PDE5A: variants seen among roughly 807,000 people sequenced by gnomAD.
PDE5A encodes cGMP-specific 3',5'-cyclic phosphodiesterase.
A neutral mutation model predicts 110.2 loss-of-function variants in PDE5A; 67 were observed. The observed-to-expected ratio is 0.61, with a 90% CI of 0.50 to 0.75. The LOEUF is 0.75. PDE5A is among the 30% of genes least tolerant of loss of function. PDE5A has a pLI of 0.00. For synonymous variants in PDE5A, 328 were observed against 351.2 expected (o/e 0.93, Z 0.74); for missense variants, 862 against 1,045.1 (o/e 0.82, Z 2.42).
intron 1 of PDE5A, among the ~76,000 whole-genome samples, chr4:119,609,807 GC>G (rs1241311709): frequency 6.6e-6 from 1 of 152,082 alleles, no homozygotes; most frequent in African/African-American, 2.4e-5. Flanking sequence ...TAAGTATGAG[GC>G]AATGCATATG....
At chr4:119,590,416 T>C (rs1028837167) in intron 3 of PDE5A, among the ~76,000 whole-genome samples, 2 of 152,188 alleles carry the variant, frequency 1.3e-5, no homozygotes, top group Middle Eastern at 3.2e-3. Context: ...TCTTTCTGTC[T>C]TTATTCATTT....
Position 119,520,953 on chromosome 4 carries a change from T to G in PDE5A, c.1887A>C (p.Leu629=). 12 of 1,610,608 alleles carry G rather than the reference T, an allele frequency of 7.5e-6. No homozygotes were observed. Among genetic ancestry groups the G allele is most frequent in the Non-Finnish European group, 9.3e-6 (11 of 1,178,336 alleles). Residue 629 remains leucine, a synonymous_variant, in exon 13 of 21, where the codon CTA becomes CTC. Transcript: ENST00000354960. ...AAAGTACCTGAATTTTGCCTGCTTT[T>G]AGAGCAGCAAACATGCACTGAGCTG... is the stretch of plus-strand genomic sequence containing the variant. ...FNTAQCMFAA[L]KAGKIQNKLT...
Position 119,525,140 on chromosome 4 carries a change from A to G in PDE5A, c.1779+409T>C, listed in dbSNP as rs1253508543. Among the ~76,000 whole-genome samples the G allele has an allele frequency of 6.6e-6, 1 of 152,086 alleles. No homozygotes were observed. The highest frequency in any genetic ancestry group is 1.5e-5 in the Non-Finnish European group (1 of 68,006). On this transcript the variant is annotated intron_variant, in intron 12 of 20. Transcript: ENST00000354960. The surrounding 1 kb of genome is among the most constrained non-coding windows in gnomAD (Gnocchi z 4.3). ...CTGCATAAAATTCCTGTGACTCACCATTGTTTTCAGGGTAAAATCCAAATT... is the reference window on the plus strand; with the variant it reads ...CTGCATAAAATTCCTGTGACTCACCGTTGTTTTCAGGGTAAAATCCAAATT...
chr4:119,550,135 GC>G (rs2110494130), intron 9 of PDE5A: 1 of 152,262 alleles, frequency 6.6e-6, no homozygotes, highest in Admixed American at 6.5e-5. Context: ...TTGTAAAGCA[GC>G]AGGAACACTG....
rs550757745 is a variant in PDE5A, at chr4:119,507,416, T to C, written c.2189+188A>G. 2.6e-5 allele frequency among the ~76,000 whole-genome samples: 4 copies of C among 152,078 alleles called. No homozygotes were observed. In the South Asian group the frequency reaches 8.3e-4, roughly 31 times the overall value. On this transcript the variant is annotated intron_variant, in intron 16 of 20. Transcript: ENST00000354960. The stretch of plus-strand genomic sequence containing the variant: ...TAAACATCAGAAATAATAGGTATTC[T>C]TAATTTTCAGCAGTATAAGCCAAAG...
chr4:119,516,626 C>CTT (rs1354720196), intron 14 of PDE5A, among the ~76,000 whole-genome samples: 1 of 147,022 alleles, frequency 6.8e-6, no homozygotes, highest in African/African-American at 2.5e-5. Flanking sequence ...TGAGATCATT[C>CTT]TTTTTTTTTT....
chr4:119,524,780 CT>C (rs779977613), intron 12 of PDE5A, among the ~76,000 whole-genome samples: 1 of 151,918 alleles, frequency 6.6e-6, no homozygotes, highest in South Asian at 2.1e-4. Flanking sequence ...TTACTGAATT[CT>C]TTTTTTTAAA....
At chr4:119,500,640 A>AT (rs1231474116) in intron 20 of PDE5A, among the ~76,000 whole-genome samples, 1 of 152,174 alleles carries the variant, frequency 6.6e-6, no homozygotes, top group Non-Finnish European at 1.5e-5. Flanking sequence ...AGTCATAAAC[A>AT]TCTAAACTAA....
At chr4:119,620,677 A>G (rs1226156884) in intron 1 of PDE5A, among the ~76,000 whole-genome samples, 2 of 152,134 alleles carry the variant, frequency 1.3e-5, no homozygotes, top group African/African-American at 4.8e-5. Flanking sequence ...TATTTTCACA[A>G]TAATCATAAT....
chr4:119,600,968 A>C (rs1729323631), intron 2 of PDE5A, among the ~76,000 whole-genome samples: 2 of 152,196 alleles, frequency 1.3e-5, no homozygotes, highest in Admixed American at 1.3e-4. Context: ...CAATACTTAC[A>C]TCACATAAAT....
intron 3 of PDE5A, among the ~76,000 whole-genome samples, chr4:119,595,139 T>C (rs1263234187): frequency 6.6e-6 from 1 of 152,102 alleles, no homozygotes; most frequent in Admixed American, 6.6e-5. Context: ...GAAAAAAATA[T>C]TGAAATCAGA....
chr4:119,515,624 C>G (rs1409013098), intron 14 of PDE5A, among the ~76,000 whole-genome samples: 1 of 152,192 alleles, frequency 6.6e-6, no homozygotes, highest in African/African-American at 2.4e-5. Context: ...CCAGCTCTTT[C>G]ATTTTCATCA....
chr4:119,619,898 C>T lies in PDE5A; in HGVS notation c.152+8622G>A, dbSNP rs547936352. On this transcript the variant is annotated intron_variant, in intron 1 of 20. Coordinates refer to ENST00000354960, the MANE Select transcript of PDE5A (RefSeq NM_001083.4). ...AAGCCTAAGGCTGTCCTATCTAGGG[C>T]CCTTCACCATAAACAGAAATCAATT... Among the ~76,000 whole-genome samples the T allele has an allele frequency of 2.0e-5, 3 of 152,272 alleles. No homozygotes were observed. In the East Asian group the frequency reaches 5.8e-4, roughly 29 times the overall value.
intron 9 of PDE5A, chr4:119,550,030 T>C (rs916030467): frequency 2.0e-5 from 3 of 152,238 alleles, no homozygotes; most frequent in African/African-American, 7.2e-5. Context: ...GTCTATGACA[T>C]GTAAGACAAA....
chr4:119,586,547 T>C (rs1728773331), intron 3 of PDE5A, among the ~76,000 whole-genome samples: 1 of 152,146 alleles, frequency 6.6e-6, no homozygotes, highest in Non-Finnish European at 1.5e-5. Flanking sequence ...ACAATCACCT[T>C]AACTCTTCAA....
At chr4:119,622,814 A>C (rs1290319225) in intron 1 of PDE5A, among the ~76,000 whole-genome samples, 1 of 142,146 alleles carries the variant, frequency 7.0e-6, no homozygotes, top group Non-Finnish European at 1.5e-5. Context: ...CAATGAGCCG[A>C]GATTGCGCCA....
chr4:119,581,572 G>A (rs1369820387), intron 3 of PDE5A, among the ~76,000 whole-genome samples: 1 of 152,152 alleles, frequency 6.6e-6, no homozygotes, highest in African/African-American at 2.4e-5. Flanking sequence ...AGATGTGCCT[G>A]AGAAGCTAAT....
chr4:119,599,738 CACACACACACAT>C (rs1485175748), intron 2 of PDE5A, among the ~76,000 whole-genome samples: 21 of 151,640 alleles, frequency 1.4e-4, no homozygotes, highest in African/African-American at 4.6e-4. Flanking sequence ...CACACACACA[CACACACACACAT>C]ACATATATTT....
intron 20 of PDE5A, chr4:119,500,018 G>T (rs1358616604): frequency 6.6e-6 from 1 of 151,952 alleles, no homozygotes; most frequent in East Asian, 1.9e-4. Context: ...TATAATAGGT[G>T]ATTACTATGT....
Sources: allele counts gnomAD v4.1 joint callset (sites outside exome capture counted in the v4.1 genomes callset), GRCh38; gene constraint gnomAD v4.1.1; non-coding constraint Gnocchi (gnomAD v3.1); transcripts MANE v1.5; gene names NCBI Gene and HGNC (gene_info 2026-07-23, HGNC 2026-07-21).